ADK: variants seen among roughly 807,000 people sequenced by gnomAD.
ADK encodes the protein adenosine kinase.
In ADK, 24 loss-of-function variants were observed where a neutral mutation model predicts 44.7. That is an observed-to-expected ratio of 0.54 (90% CI 0.39 to 0.76). ADK has a LOEUF of 0.76. ADK is among the 30% of genes least tolerant of loss of function. ADK has a pLI of 0.00. For synonymous variants in ADK, 128 were observed against 142.6 expected (o/e 0.90, Z 0.73); for missense variants, 321 against 425.1 (o/e 0.76, Z 2.15).
At chr10:74,361,234 C>G (rs1426457127) in intron 4 of ADK, among the ~76,000 whole-genome samples, 1 of 152,114 alleles carries the variant, frequency 6.6e-6, no homozygotes, top group Non-Finnish European at 1.5e-5. Flanking sequence ...GCATTTAGTT[C>G]ATTTATATTC....
chr10:74,489,322 T>C (rs939926904), intron 6 of ADK, among the ~76,000 whole-genome samples: 6 of 151,880 alleles, frequency 4.0e-5, no homozygotes, highest in African/African-American at 1.4e-4. Flanking sequence ...AATAATACTA[T>C]CTAGAGAAAT....
chr10:74,290,072 T>TCA (rs1554838771), intron 3 of ADK, among the ~76,000 whole-genome samples: 21 of 86,216 alleles, frequency 2.4e-4, no homozygotes, highest in African/African-American at 7.7e-4. Context: ...ACTAAACTAC[T>TCA]CACGCGCACA....
chr10:74,475,313 A>G (rs905194466), intron 6 of ADK, among the ~76,000 whole-genome samples: 1 of 152,176 alleles, frequency 6.6e-6, no homozygotes. Flanking sequence ...TATCATTGTG[A>G]CAGACCTGTC....
At chr10:74,692,810 G>C (rs538557947) in intron 10 of ADK, among the ~76,000 whole-genome samples, 1 of 152,272 alleles carries the variant, frequency 6.6e-6, no homozygotes, top group South Asian at 2.1e-4. Flanking sequence ...GGGAACAATA[G>C]GCTATACCAT....
At position 74,398,453 on chromosome 10, in the gene ADK, AT is replaced by A. The variant is rs1173022774; in HGVS notation, c.447-16del. On this transcript the variant is annotated splice_polypyrimidine_tract_variant and intron_variant, in intron 5 of 10. Coordinates refer to ENST00000539909, the MANE Select transcript of ADK (RefSeq NM_006721.4). ...AGTTTGACTATAATATTACTTGCTT[AT>A]TCTTTGGTTGTTTTAGGTCCCTCAT... is the stretch of plus-strand genomic sequence containing the variant. 1 of 1,526,472 alleles carries A rather than the reference AT, an allele frequency of 6.6e-7. No individual in the cohort carries two copies. The highest frequency in any genetic ancestry group is 1.1e-5 in the South Asian group (1 of 88,418). The allele number at this position is 1,526,472 out of a possible 1,614,324, so 94.6% of individuals were successfully genotyped here.
In ADK at chr10:74,385,123, A is replaced by G. The variant is rs1843099625; in HGVS notation, c.274-9018A>G. Among the ~76,000 whole-genome samples, 6 of 152,348 alleles carry G rather than the reference A, an allele frequency of 3.9e-5. No homozygotes were observed. The South Asian group carries it at 1.2e-3, about 32-fold the overall frequency. On this transcript the variant is annotated intron_variant, in intron 4 of 10. Coordinates refer to ENST00000539909, the MANE Select transcript of ADK (RefSeq NM_006721.4). The stretch of plus-strand genomic sequence containing the variant: ...GATGGTTGCACAGCTATGTGAATAA[A>G]CAGGAAACAACTGAATTGTATATTT...
At chr10:74,643,520 C>CT (rs1323893786) in intron 9 of ADK, among the ~76,000 whole-genome samples, 73 of 152,156 alleles carry the variant, frequency 4.8e-4, no homozygotes, top group African/African-American at 1.8e-3. Flanking sequence ...CTGTTGTATT[C>CT]TAGTCCTCTG....
intron 7 of ADK, among the ~76,000 whole-genome samples, chr10:74,527,337 G>A (rs2133637235): frequency 6.6e-6 from 1 of 150,976 alleles, no homozygotes; most frequent in East Asian, 2.0e-4. Context: ...CTCCAGCCTG[G>A]ACAGAGCGAG....
At chr10:74,573,893 T>A (rs78322009) in intron 7 of ADK, among the ~76,000 whole-genome samples, 1 of 152,312 alleles carries the variant, frequency 6.6e-6, no homozygotes, top group South Asian at 2.1e-4. Context: ...GACCCGATCT[T>A]CCAGGTGCCG....
intron 9 of ADK, among the ~76,000 whole-genome samples, chr10:74,608,054 G>A (rs887157384): frequency 4.6e-5 from 7 of 151,372 alleles, no homozygotes; most frequent in African/African-American, 1.7e-4. Flanking sequence ...TTCACGAAGT[G>A]TTCGTTCTGT....
At chr10:74,609,889 A>T (rs889919668) in intron 9 of ADK, among the ~76,000 whole-genome samples, 1 of 151,962 alleles carries the variant, frequency 6.6e-6, no homozygotes, top group Non-Finnish European at 1.5e-5. Flanking sequence ...TTTTCCGCTC[A>T]CCCTGTTTTA....
intron 6 of ADK, among the ~76,000 whole-genome samples, chr10:74,432,916 C>G (rs1175284604): frequency 6.6e-6 from 1 of 152,048 alleles, no homozygotes; most frequent in Non-Finnish European, 1.5e-5. Flanking sequence ...AGGTATTTGT[C>G]TATTCTGGAA....
intron 4 of ADK, among the ~76,000 whole-genome samples, chr10:74,321,437 C>T (rs770437101): frequency 2.0e-5 from 3 of 151,930 alleles, no homozygotes; most frequent in African/African-American, 4.8e-5. Flanking sequence ...GTGCACACCA[C>T]CACACCCACC....
chr10:74,342,802 T>TGC (rs1367398202), intron 4 of ADK, among the ~76,000 whole-genome samples: 2 of 152,010 alleles, frequency 1.3e-5, no homozygotes, highest in Non-Finnish European at 2.9e-5. Context: ...TGTGTGTGTG[T>TGC]GTGTGTGTGT....
chr10:74,218,469 C>T (rs1253489081), intron 2 of ADK, among the ~76,000 whole-genome samples: 4 of 152,162 alleles, frequency 2.6e-5, no homozygotes, highest in Non-Finnish European at 2.9e-5. Flanking sequence ...AGGAGAACTT[C>T]TGCAATCTAG....
intron 6 of ADK, among the ~76,000 whole-genome samples, chr10:74,426,278 G>A (rs894438326): frequency 6.6e-6 from 1 of 152,110 alleles, no homozygotes; most frequent in African/African-American, 2.4e-5. Flanking sequence ...CAGAAATTTA[G>A]TCTGTATTGC....
chr10:74,385,130 A>G (rs1344471713), intron 4 of ADK, among the ~76,000 whole-genome samples: 1 of 152,212 alleles, frequency 6.6e-6, no homozygotes, highest in African/African-American at 2.4e-5. Context: ...TAAACAGGAA[A>G]CAACTGAATT....
chr10:74,701,108 G>A (rs1035381778), intron 10 of ADK, among the ~76,000 whole-genome samples: 2 of 152,158 alleles, frequency 1.3e-5, no homozygotes, highest in Non-Finnish European at 2.9e-5. Context: ...TATTTTAGAT[G>A]TATTACAAAA....
intron 9 of ADK, among the ~76,000 whole-genome samples, chr10:74,612,300 A>G (rs1394962734): frequency 6.6e-6 from 1 of 151,938 alleles, no homozygotes; most frequent in Admixed American, 6.6e-5. Context: ...TTTGTATTTT[A>G]TAGAGAAAGT....
Sources: gnomAD v4.1 joint callset for allele counts (sites outside exome capture counted in the v4.1 genomes callset) on GRCh38, gnomAD v4.1.1 for gene constraint, MANE v1.5 for transcripts, NCBI Gene and HGNC (gene_info 2026-07-23, HGNC 2026-07-21) for gene names.